The following TNS3 variants were observed in gnomAD, a reference collection of about 807,000 sequenced individuals.
The protein encoded by TNS3 is tensin-3.
In TNS3, 45 loss-of-function variants were observed where a neutral mutation model predicts 140.9. That is an observed-to-expected ratio of 0.32 (90% confidence interval 0.25 to 0.41). The LOEUF (loss-of-function observed/expected upper bound fraction) is 0.41. Ranked by LOEUF, TNS3 falls within the 10% of genes least tolerant of loss-of-function variation. The pLI, the probability that TNS3 is intolerant of heterozygous loss-of-function variation, is 1.00. For missense variants in TNS3, 1,716 were observed against 1,906.7 expected (o/e 0.90, Z 1.86); for synonymous variants, 815 against 788.4 (o/e 1.03, Z -0.56).
At chr7:47,565,282 A>G (rs1273178742) in intron 1 of TNS3, among the ~76,000 whole-genome samples, 1 of 150,560 alleles carries the variant, frequency 6.6e-6, no homozygotes, top group African/African-American at 2.5e-5. Flanking sequence ...TTTCACTGTT[A>G]GCCAGGATGG....
chr7:47,491,483 G>A (rs1312450339), intron 3 of TNS3, among the ~76,000 whole-genome samples: 2 of 152,166 alleles, frequency 1.3e-5, no homozygotes, highest in Admixed American at 1.3e-4. Flanking sequence ...TCATAGGAAA[G>A]TCTTGACAGT....
At chr7:47,329,365 C>T (rs1048990172) in intron 20 of TNS3, among the ~76,000 whole-genome samples, 1 of 152,174 alleles carries the variant, frequency 6.6e-6, no homozygotes, top group African/African-American at 2.4e-5. Flanking sequence ...TTTCTTACAG[C>T]CCCTGTGCAC....
intron 1 of TNS3, among the ~76,000 whole-genome samples, chr7:47,576,327 G>A (rs973992234): frequency 2.0e-5 from 3 of 152,124 alleles, no homozygotes; most frequent in Non-Finnish European, 4.4e-5. Flanking sequence ...CCTGAGCTCC[G>A]GAACCAGTGG....
At chr7:47,519,661 C>T (rs1199137437) in intron 2 of TNS3, among the ~76,000 whole-genome samples, 6 of 152,108 alleles carry the variant, frequency 3.9e-5, no homozygotes, top group Admixed American at 2.0e-4. Context: ...GTAGGCACCT[C>T]CTAGACCCAT....
chr7:47,542,921 A>G (rs1283625899), intron 1 of TNS3, among the ~76,000 whole-genome samples: 1 of 67,422 alleles, frequency 1.5e-5, no homozygotes, highest in African/African-American at 4.2e-5. Flanking sequence ...ACAGTGCAAG[A>G]CTGTCAAAAA....
intron 1 of TNS3, among the ~76,000 whole-genome samples, chr7:47,541,383 G>C (rs1393344292): frequency 1.3e-5 from 2 of 152,096 alleles, no homozygotes; most frequent in Non-Finnish European, 2.9e-5. Flanking sequence ...CACACACACA[G>C]AGATACTCCC....
Position 47,292,818 on chromosome 7 carries a change from G to A in TNS3, c.3850+10C>T. 4 of 1,613,404 alleles carry A rather than the reference G, an allele frequency of 2.5e-6. No homozygotes were observed. The highest frequency in any genetic ancestry group is 1.3e-5 in the African/African-American group (1 of 75,034). On this transcript the variant is annotated intron_variant, in intron 26 of 30. Coordinates refer to ENST00000311160, the MANE Select transcript of TNS3 (RefSeq NM_022748.12). Reference sequence around the variant, plus strand: ...TACACAGAGCCTGACTAGCACTGAGGACCCCTTACCTCTCTCTGGGATAAG... The same window carrying A: ...TACACAGAGCCTGACTAGCACTGAGAACCCCTTACCTCTCTCTGGGATAAG...
chr7:47,419,727 T>C (rs1482960906), intron 10 of TNS3, among the ~76,000 whole-genome samples: 1 of 152,144 alleles, frequency 6.6e-6, no homozygotes, highest in East Asian at 1.9e-4. Flanking sequence ...TTTTGAGATG[T>C]CTATTCAGGC....
chr7:47,368,441 G>A lies in TNS3; in HGVS notation c.2205C>T (p.Ser735=), dbSNP rs375430449. The A allele has an allele frequency of 1.1e-4, 173 of 1,553,314 alleles. No individual in the cohort carries two copies. The highest frequency in any genetic ancestry group is 1.7e-4 in the Middle Eastern group (1 of 5,828). ...TGCTTGCCCGGAGCCCACCTCCCAC[G>A]CTGTCTGGAGACACAGAGCCATTGG... ...SQANGSVSPD[S]VGGGLRASSR... is the part of the protein sequence containing the mutation. Residue 735 remains serine, a synonymous_variant, in exon 17 of 31, where the codon AGC becomes AGT. Coordinates refer to ENST00000311160, the MANE Select transcript of TNS3 (RefSeq NM_022748.12).
chr7:47,328,116 T>C (rs1397938367), intron 20 of TNS3, among the ~76,000 whole-genome samples: 1 of 151,794 alleles, frequency 6.6e-6, no homozygotes, highest in African/African-American at 2.4e-5. Context: ...AGCGGTGGCG[T>C]CCCCCACCCA....
intron 3 of TNS3, 85 bp from the exon 4 acceptor site, chr7:47,481,226 G>A (rs979039193): frequency 1.9e-6 from 2 of 1,040,392 alleles, no homozygotes; most frequent in Non-Finnish European, 2.6e-6. Flanking sequence ...CCCAAAGACT[G>A]AATGAAACTG....
intron 13 of TNS3, among the ~76,000 whole-genome samples, chr7:47,410,571 GATCCTC>G (rs1793712371): frequency 6.6e-6 from 1 of 152,180 alleles, no homozygotes; most frequent in Non-Finnish European, 1.5e-5. Context: ...CTCCACCTTC[GATCCTC>G]GCTGATTTGA....
chr7:47,400,742 C>G (rs373385901), intron 14 of TNS3, 43 bp downstream of exon 14: 2 of 1,604,810 alleles, frequency 1.2e-6, no homozygotes, highest in Admixed American at 3.4e-5. Flanking sequence ...GAGGTTCAAC[C>G]GCAGCTGCCC....
chr7:47,340,203 ACCT>A (rs1788916900), intron 20 of TNS3, among the ~76,000 whole-genome samples: 1 of 134,854 alleles, frequency 7.4e-6, no homozygotes, highest in Non-Finnish European at 1.5e-5. Context: ...GCTCACTGTA[ACCT>A]CCACCTCCTG....
At chr7:47,360,281 G>A (rs1172419206) in intron 17 of TNS3, among the ~76,000 whole-genome samples, 1 of 152,172 alleles carries the variant, frequency 6.6e-6, no homozygotes, top group Non-Finnish European at 1.5e-5. Flanking sequence ...GGGGTCTGAA[G>A]GTGGAGAGGA....
intron 1 of TNS3, among the ~76,000 whole-genome samples, chr7:47,574,561 G>A (rs1175454188): frequency 6.6e-6 from 1 of 151,856 alleles, no homozygotes; most frequent in African/African-American, 2.4e-5. Context: ...CACAACAGCC[G>A]AAGGGTAGAA....
chr7:47,347,217 G>A (rs1196766237), intron 17 of TNS3, among the ~76,000 whole-genome samples: 2 of 152,266 alleles, frequency 1.3e-5, no homozygotes, highest in South Asian at 2.1e-4. Flanking sequence ...GCATTTCACT[G>A]AAAGATGGAG....
intron 17 of TNS3, among the ~76,000 whole-genome samples, chr7:47,354,426 G>T (rs1285994624): frequency 6.6e-6 from 1 of 152,062 alleles, no homozygotes; most frequent in Non-Finnish European, 1.5e-5. Flanking sequence ...TCCCACACAG[G>T]GATGTTCACG....
intron 20 of TNS3, among the ~76,000 whole-genome samples, chr7:47,319,522 C>G (rs1468833383): frequency 3.3e-5 from 5 of 152,116 alleles, no homozygotes. Flanking sequence ...CAGCACCAAG[C>G]CCTTCATGAA....
Sources: gnomAD v4.1 joint callset for allele counts (sites outside exome capture counted in the v4.1 genomes callset) on GRCh38, gnomAD v4.1.1 for gene constraint, MANE v1.5 for transcripts, NCBI Gene and HGNC (gene_info 2026-07-23, HGNC 2026-07-21) for gene names.